The following MCUB variants were observed in gnomAD, a reference collection of about 807,000 sequenced individuals.
MCUB encodes mitochondrial calcium uniporter dominant negative subunit beta, also known as calcium uniporter regulatory subunit MCUb, mitochondrial.
MCUB carries 46 observed loss-of-function variants against 41.4 expected under a neutral mutation model. The ratio of observed to expected loss-of-function variants is 1.11; its 90% CI spans 0.88 to 1.42. MCUB has a LOEUF of 1.42. Among genes scored for constraint, MCUB ranks in the 40% most tolerant of loss-of-function variants. The pLI, the probability that MCUB is intolerant of heterozygous loss-of-function variation, is 0.00. For missense variants in MCUB, 403 were observed against 404.9 expected, an observed-to-expected ratio of 1.00 and a Z score of 0.04; for synonymous variants, 148 against 148.2, an observed-to-expected ratio of 1.00 and a Z score of 0.01.
intron 1 of MCUB, among the ~76,000 whole-genome samples, chr4:109,599,381 G>A (rs998379191): frequency 2.0e-5 from 3 of 152,138 alleles, no homozygotes; most frequent in African/African-American, 7.2e-5. Context: ...CGAAACGACA[G>A]GAAACAACTT....
At chr4:109,610,458 T>C (rs1727981240) in intron 1 of MCUB, among the ~76,000 whole-genome samples, 1 of 152,192 alleles carries the variant, frequency 6.6e-6, no homozygotes, top group South Asian at 2.1e-4. Context: ...CTGGGGAAGC[T>C]TTTCTCTAAG....
At chr4:109,597,148 G>T (rs536633547) in intron 1 of MCUB, among the ~76,000 whole-genome samples, 3 of 150,908 alleles carry the variant, frequency 2.0e-5, no homozygotes, top group Non-Finnish European at 3.0e-5. Context: ...ACACAGACAC[G>T]GCAACCATCC....
intron 1 of MCUB, among the ~76,000 whole-genome samples, chr4:109,561,620 C>G (rs1464265270): frequency 2.6e-5 from 4 of 152,120 alleles, no homozygotes; most frequent in Non-Finnish European, 5.9e-5. Flanking sequence ...GGGAGATGGG[C>G]TTTTTATACT....
intron 1 of MCUB, among the ~76,000 whole-genome samples, chr4:109,637,171 A>C (rs1356455891): frequency 1.3e-5 from 2 of 152,228 alleles, no homozygotes; most frequent in African/African-American, 4.8e-5. Context: ...GTTGAGAAAG[A>C]TACTCAGTAA....
chr4:109,650,219 G>C (rs1057212002), intron 1 of MCUB, among the ~76,000 whole-genome samples: 2 of 152,084 alleles, frequency 1.3e-5, no homozygotes, highest in Admixed American at 6.5e-5. Flanking sequence ...CTCTAAAAAG[G>C]GTTGTTACAG....
At chr4:109,616,294 A>G (rs978589689) in intron 1 of MCUB, among the ~76,000 whole-genome samples, 1 of 152,142 alleles carries the variant, frequency 6.6e-6, no homozygotes, top group African/African-American at 2.4e-5. Flanking sequence ...TAACTGCTTT[A>G]TCTTAGTAGT....
intron 1 of MCUB, among the ~76,000 whole-genome samples, chr4:109,640,709 A>G (rs1728695843): frequency 6.6e-6 from 1 of 152,254 alleles, no homozygotes; most frequent in African/African-American, 2.4e-5. Context: ...GATTAAGGGA[A>G]TGTTGTGACT....
chr4:109,599,673 A>ATT (rs550247902), intron 1 of MCUB, among the ~76,000 whole-genome samples: 6,406 of 148,876 alleles, frequency 0.043, 452 homozygotes, highest in African/African-American at 0.15. Flanking sequence ...GTTAATATTT[A>ATT]TTTATTTATT....
chr4:109,638,198 A>T (rs908714413), intron 1 of MCUB, among the ~76,000 whole-genome samples: 1 of 152,150 alleles, frequency 6.6e-6, no homozygotes, highest in Non-Finnish European at 1.5e-5. Flanking sequence ...TCTACAAAAA[A>T]ATACAAAAAT....
At chr4:109,601,354 G>C (rs768353384) in intron 1 of MCUB, among the ~76,000 whole-genome samples, 2 of 151,780 alleles carry the variant, frequency 1.3e-5, no homozygotes, top group Non-Finnish European at 2.9e-5. Flanking sequence ...TAACTTTTTG[G>C]GGGGGTACCT....
At chr4:109,686,283 C>T (rs1009517309) in intron 7 of MCUB, among the ~76,000 whole-genome samples, 3 of 151,988 alleles carry the variant, frequency 2.0e-5, no homozygotes, top group African/African-American at 7.2e-5. Context: ...TGATTATAGG[C>T]GCCCGCCACC....
rs182238103 is a variant in MCUB, at chr4:109,594,919, G to T, written c.99+34483G>T. On this transcript the variant is annotated intron_variant, in intron 1 of 7. Coordinates refer to ENST00000394650, the MANE Select transcript of MCUB (RefSeq NM_017918.5). Reference sequence around the variant, plus strand: ...ACCAGGGAAGAACAGGCAAGCCTTGGAAGCAGAGAGCTCAAAGGGCTCTAG... The same window carrying T: ...ACCAGGGAAGAACAGGCAAGCCTTGTAAGCAGAGAGCTCAAAGGGCTCTAG... Among the ~76,000 whole-genome samples, 774 of 151,976 alleles carry T rather than the reference G, an allele frequency of 5.1e-3. 3 individuals are homozygous for T. The highest frequency in any genetic ancestry group is 0.018 in the African/African-American group (739 of 41,426).
rs1729197942 is a variant in MCUB, at chr4:109,660,203, GTTAT to G, written c.189_192del (p.Tyr64AspfsTer7). On this transcript the variant is annotated frameshift_variant, in exon 3 of 8. Transcript: ENST00000394650. LOFTEE classifies it high-confidence loss of function. ...CTTTTTTTCCTTAACAGAAATAACA[GTTAT>G]TTATAGACATGGCCTTCCCTTGGTA... The G allele has an allele frequency of 6.6e-7, 1 of 1,504,154 alleles. No individual in the cohort carries two copies. The highest frequency in any genetic ancestry group is 2.3e-5 in the East Asian group (1 of 42,620). The allele number at this position is 1,504,154 out of a possible 1,614,324, so 93.2% of individuals were successfully genotyped here. A position where few individuals can be genotyped will look rare whatever the true frequency, so the allele number is the denominator to read the frequency against.
chr4:109,648,991 A>G (rs907998657), intron 1 of MCUB, among the ~76,000 whole-genome samples: 5 of 133,086 alleles, frequency 3.8e-5, no homozygotes, highest in Non-Finnish European at 8.1e-5. Flanking sequence ...GTTTTTATTT[A>G]TTTTATGCAT....
chr4:109,617,217 C>T (rs1040291324), intron 1 of MCUB, among the ~76,000 whole-genome samples: 1 of 152,216 alleles, frequency 6.6e-6, no homozygotes, highest in Non-Finnish European at 1.5e-5. Context: ...TAGGATCATT[C>T]TAAGTGTTTA....
At chr4:109,602,608 G>A (rs1050248405) in intron 1 of MCUB, among the ~76,000 whole-genome samples, 1 of 152,114 alleles carries the variant, frequency 6.6e-6, no homozygotes, top group African/African-American at 2.4e-5. Flanking sequence ...GGTTATGATA[G>A]CTCTGTAGTA....
intron 1 of MCUB, among the ~76,000 whole-genome samples, chr4:109,657,701 A>C (rs1192043691): frequency 6.6e-6 from 1 of 152,174 alleles, no homozygotes; most frequent in African/African-American, 2.4e-5. Flanking sequence ...CTCCCACAAT[A>C]TCTTTGTTCA....
chr4:109,671,930 G>A (rs1244763971), intron 4 of MCUB, among the ~76,000 whole-genome samples: 1 of 152,122 alleles, frequency 6.6e-6, no homozygotes, highest in African/African-American at 2.4e-5. Context: ...CTTTCCTCTA[G>A]TGTCCTTATT....
At chr4:109,615,394 C>A (rs1021732006) in intron 1 of MCUB, among the ~76,000 whole-genome samples, 2 of 151,562 alleles carry the variant, frequency 1.3e-5, no homozygotes, top group African/African-American at 4.9e-5. Flanking sequence ...GTATTATTAT[C>A]ATAGATGTGA....
Sources: allele counts gnomAD v4.1 joint callset (sites outside exome capture counted in the v4.1 genomes callset), GRCh38; gene constraint gnomAD v4.1.1; transcripts MANE v1.5; gene names NCBI Gene and HGNC (gene_info 2026-07-23, HGNC 2026-07-21).